MAPK8IP3: variants seen among roughly 807,000 people sequenced by gnomAD.
MAPK8IP3 encodes mitogen-activated protein kinase 8 interacting protein 3, also known as C-Jun-amino-terminal kinase-interacting protein 3.
MAPK8IP3 carries 49 observed loss-of-function variants against 157.8 expected under a neutral mutation model. That is an observed-to-expected ratio of 0.31 (90% CI 0.25 to 0.39). The LOEUF is 0.39. MAPK8IP3 is among the 10% of genes least tolerant of loss of function. MAPK8IP3 has a pLI of 1.00. For missense variants in MAPK8IP3, 1,478 were observed against 1,889.4 expected (o/e 0.78, Z 4.04); for synonymous variants, 897 against 777.7 (o/e 1.15, Z -2.55).
chr16:1,733,254 A>T (rs1325675624), intron 4 of MAPK8IP3, among the ~76,000 whole-genome samples: 4 of 152,138 alleles, frequency 2.6e-5, no homozygotes, highest in African/African-American at 9.7e-5. Flanking sequence ...GGAGGAGCCC[A>T]GCAACAGTGT....
chr16:1,720,888 G>T (rs1053549851), intron 1 of MAPK8IP3, among the ~76,000 whole-genome samples: 1 of 152,290 alleles, frequency 6.6e-6, no homozygotes, highest in African/African-American at 2.4e-5. Flanking sequence ...CAAAGAATTA[G>T]CTGGGCGTGG....
At chr16:1,760,683 A>C in intron 12 of MAPK8IP3, 151 bp downstream of exon 12, 2 of 976,932 alleles carry the variant, frequency 2.0e-6, no homozygotes, top group African/African-American at 1.6e-5. Context: ...CTCCACCCCA[A>C]CCAGCAGAGT....
intron 1 of MAPK8IP3, among the ~76,000 whole-genome samples, chr16:1,709,651 G>A (rs889410449): frequency 6.6e-6 from 1 of 152,242 alleles, no homozygotes; most frequent in Non-Finnish European, 1.5e-5. Flanking sequence ...GAAGAAGGTG[G>A]GAAACAGCAG....
At chr16:1,733,506 G>A (rs2039450012) in intron 4 of MAPK8IP3, among the ~76,000 whole-genome samples, 1 of 152,224 alleles carries the variant, frequency 6.6e-6, no homozygotes, top group African/African-American at 2.4e-5. Context: ...GTGGCTGCGG[G>A]GCAAGGAGTA....
Position 1,763,525 on chromosome 16 carries a change from C to G in MAPK8IP3, c.1899-132C>G, listed in dbSNP as rs185149757. On this transcript the variant is annotated intron_variant, in intron 16 of 31. Coordinates refer to ENST00000610761, the MANE Select transcript of MAPK8IP3 (RefSeq NM_001318852.2). ...GAAAGCCACCCTTCCCAGCTGGGCACCCGGTGGCCGGGAAAAGGCGAGGAT... is the reference window on the plus strand; with the variant it reads ...GAAAGCCACCCTTCCCAGCTGGGCAGCCGGTGGCCGGGAAAAGGCGAGGAT... The G allele has an allele frequency of 1.1e-5, 14 of 1,280,694 alleles. No homozygotes were observed. The Admixed American group carries it at 4.3e-4, about 39-fold the overall frequency. The allele number at this position is 1,280,694 out of a possible 1,614,324, so 79.3% of individuals were successfully genotyped here.
intron 11 of MAPK8IP3, 86 bp downstream of exon 11, chr16:1,760,101 T>C: frequency 6.8e-7 from 1 of 1,465,042 alleles, no homozygotes; most frequent in Non-Finnish European, 9.5e-7. Flanking sequence ...GAGGGCGCCT[T>C]GGGGAGCACC....
At chr16:1,714,631 C>G (rs1403699795) in intron 1 of MAPK8IP3, among the ~76,000 whole-genome samples, 1 of 152,192 alleles carries the variant, frequency 6.6e-6, no homozygotes, top group African/African-American at 2.4e-5. Context: ...CTTTCCTCAG[C>G]CAGCCTGCCC....
Position 1,762,436 on chromosome 16 carries a change from G to A in MAPK8IP3, c.1625G>A (p.Arg542Gln), listed in dbSNP as rs62040026. 1 of 1,609,654 alleles carries A rather than the reference G, an allele frequency of 6.2e-7. No homozygotes were observed. Among genetic ancestry groups the A allele is most frequent in the Non-Finnish European group, 8.5e-7 (1 of 1,178,202 alleles). ...VLMERNQYKE[R>Q]LMELQEAVRW... ...ATGGAGCGGAACCAGTACAAGGAGC[G>A]GCTGATGGAGCTGCAGGAGGCTGTG... Residue 542 changes from arginine (R) to glutamine (Q), a missense_variant, in exon 14 of 32, where the codon CGG becomes CAG. Transcript: ENST00000610761.
At chr16:1,737,176 G>GTC (rs2040004364) in intron 4 of MAPK8IP3, among the ~76,000 whole-genome samples, 2 of 88,186 alleles carry the variant, frequency 2.3e-5, no homozygotes, top group Non-Finnish European at 4.6e-5. Context: ...ATCCGTGTGA[G>GTC]CGTGTGACCG....
At chr16:1,708,528 C>T (rs2037545296) in intron 1 of MAPK8IP3, among the ~76,000 whole-genome samples, 2 of 152,202 alleles carry the variant, frequency 1.3e-5, no homozygotes, top group Non-Finnish European at 1.5e-5. Flanking sequence ...ATAACCTTGC[C>T]GCTTAAAAAT....
intron 3 of MAPK8IP3, 90 bp downstream of exon 3, chr16:1,729,298 C>T (rs543799031): frequency 6.9e-7 from 1 of 1,444,096 alleles, no homozygotes; most frequent in Admixed American, 1.7e-5. Flanking sequence ...GGTTTTCTTC[C>T]CTGGCATGTC....
At chr16:1,744,662 C>G (rs2040859459) in intron 5 of MAPK8IP3, 1 of 985,514 alleles carries the variant, frequency 1.0e-6, no homozygotes, top group Non-Finnish European at 1.2e-6. Flanking sequence ...ACACGTCAGC[C>G]TCAGCCGGGG....
chr16:1,712,659 C>A (rs1276124490), intron 1 of MAPK8IP3, among the ~76,000 whole-genome samples: 2 of 152,114 alleles, frequency 1.3e-5, no homozygotes, highest in African/African-American at 4.8e-5. Context: ...CCCAGGTGGC[C>A]CCCCACTGGG....
Position 1,743,318 on chromosome 16 carries a change from GC to G in MAPK8IP3, c.603-8del. The G allele has an allele frequency of 1.3e-6, 2 of 1,540,218 alleles. No homozygotes were observed. Among genetic ancestry groups the G allele is most frequent in the South Asian group, 1.3e-5 (1 of 79,826 alleles). ...TCTAACCATCGCTTCCTCTCCTCTC[GC>G]CCCCCATTTCAGCAGGAAGGAGCGC... On this transcript the variant is annotated splice_polypyrimidine_tract_variant and intron_variant, in intron 4 of 31. Transcript: ENST00000610761. This position sits in a 1 kb window ranked among gnomAD's most constrained non-coding sequence, Gnocchi z 5.6.
intron 8 of MAPK8IP3, among the ~76,000 whole-genome samples, chr16:1,749,698 G>A (rs1188065046): frequency 2.0e-5 from 3 of 152,228 alleles, no homozygotes; most frequent in South Asian, 2.1e-4. Flanking sequence ...GTCAGGGTCC[G>A]AGCCTTTCGC....
rs1452543492 is a variant in MAPK8IP3 at position 1,738,720 on chromosome 16, T to A, written c.603-4612T>A. Among the ~76,000 whole-genome samples the A allele has an allele frequency of 2.7e-4, 29 of 106,448 alleles. 1 individual carries two copies. The highest frequency in any genetic ancestry group is 1.0e-3 in the African/African-American group (27 of 26,484). 69.8% of individuals were successfully genotyped at this position (106,448 alleles called of 152,430 possible). ...CCATGTGAGCGTGTGAGCATCCGTG[T>A]GAGTGTGACCACCCATGTGAGCATC... On this transcript the variant is annotated intron_variant, in intron 4 of 31. Transcript: ENST00000610761.
At chr16:1,707,827 C>G (rs1433627407) in intron 1 of MAPK8IP3, 2 of 152,182 alleles carry the variant, frequency 1.3e-5, no homozygotes, top group East Asian at 3.9e-4. Flanking sequence ...AAATGAGCTT[C>G]AATTCCTTTT....
At chr16:1,733,297 G>A (rs979644177) in intron 4 of MAPK8IP3, among the ~76,000 whole-genome samples, 3 of 152,154 alleles carry the variant, frequency 2.0e-5, no homozygotes, top group Middle Eastern at 3.2e-3. Context: ...GAGGTGTGAC[G>A]TGTGAACTCA....
intron 2 of MAPK8IP3, among the ~76,000 whole-genome samples, chr16:1,725,069 C>T (rs2038780353): frequency 6.6e-6 from 1 of 151,942 alleles, no homozygotes; most frequent in African/African-American, 2.4e-5. Flanking sequence ...TGGTGTAGCC[C>T]CATTGAAGTG....
Sources: gnomAD v4.1 joint callset for allele counts (sites outside exome capture counted in the v4.1 genomes callset) on GRCh38, gnomAD v4.1.1 for gene constraint, Gnocchi (gnomAD v3.1) non-coding constraint, MANE v1.5 for transcripts, NCBI Gene and HGNC (gene_info 2026-07-23, HGNC 2026-07-21) for gene names.